Variants in PARP16 observed in about 807,000 individuals in gnomAD.
PARP16 encodes the protein poly(ADP-ribose) polymerase family member 16, also known as protein mono-ADP-ribosyltransferase PARP16.
Under a neutral mutation model 35.0 loss-of-function variants are expected in PARP16, and 31 were observed. The observed-to-expected ratio is 0.88, with a 90% CI of 0.66 to 1.19. PARP16 has a LOEUF of 1.19. PARP16 is among the 50% of genes most tolerant of loss of function. The pLI is 0.00. For missense variants in PARP16, 424 were observed against 411.2 expected (o/e 1.03, Z -0.27); for synonymous variants, 162 against 169.5 (o/e 0.96, Z 0.34).
At position 65,286,508 on chromosome 15, in the gene PARP16, G is replaced by A. The variant is rs1024086164; in HGVS notation, c.-82C>T. 1.8e-6 allele frequency: 2 copies of A among 1,106,422 alleles called. No individual in the cohort carries two copies. Among genetic ancestry groups the A allele is most frequent in the South Asian group, 1.8e-5 (1 of 54,960 alleles). The allele number at this position is 1,106,422 out of a possible 1,614,324, so 68.5% of individuals were successfully genotyped here. On this transcript the variant is annotated 5_prime_UTR_variant, in exon 1 of 6. Transcript: ENST00000649807. ...TGCGTTCAGCGCGGGGGCTGGGCCC[G>A]CGGACAATGGGCCGTCAGGGGCCGG...
At chr15:65,239,458 GAAA>G (rs1567007952) in intron 3 of PARP16, among the ~76,000 whole-genome samples, 9 of 62,536 alleles carry the variant, frequency 1.4e-4, no homozygotes, top group African/African-American at 3.8e-4. Flanking sequence ...AAAAAAGAGA[GAAA>G]AGAAAAAAAA....
intron 2 of PARP16, 24 bp from the exon 3 acceptor site, chr15:65,266,792 A>AAT: frequency 6.4e-7 from 1 of 1,573,322 alleles, no homozygotes; most frequent in Non-Finnish European, 8.7e-7. Context: ...AGAGCATCAA[A>AAT]ATTTTATTTG....
At chr15:65,239,452 A>AAAAAAAGAGAG (rs34910178) in intron 3 of PARP16, among the ~76,000 whole-genome samples, 1 of 113,038 alleles carries the variant, frequency 8.8e-6, no homozygotes, top group South Asian at 3.5e-4. Context: ...AAAAAAAAAA[A>AAAAAAAGAGAG]AGAGAGAAAA....
intron 3 of PARP16, among the ~76,000 whole-genome samples, chr15:65,240,844 T>C (rs964326841): frequency 2.6e-5 from 4 of 152,156 alleles, no homozygotes; most frequent in Non-Finnish European, 5.9e-5. Flanking sequence ...TCTATTTTTA[T>C]TGTTTTGAGA....
At chr15:65,251,199 T>C (rs1443015766) in intron 2 of PARP16, among the ~76,000 whole-genome samples, 2 of 152,108 alleles carry the variant, frequency 1.3e-5, no homozygotes, top group Non-Finnish European at 2.9e-5. Flanking sequence ...ATCTCTTATT[T>C]TGCACAGGTT....
At chr15:65,270,748 A>T (rs1314567016) in intron 2 of PARP16, among the ~76,000 whole-genome samples, 187 bp downstream of exon 2, 2 of 152,194 alleles carry the variant, frequency 1.3e-5, no homozygotes, top group African/African-American at 4.8e-5. Context: ...TTGTACAGCC[A>T]GTGGGAAAGC....
At chr15:65,268,177 T>C (rs1051957610) in intron 2 of PARP16, among the ~76,000 whole-genome samples, 10 of 152,174 alleles carry the variant, frequency 6.6e-5, no homozygotes, top group Non-Finnish European at 1.3e-4. Context: ...TGCTTGGCCA[T>C]GTGACCTGCT....
intron 3 of PARP16, among the ~76,000 whole-genome samples, chr15:65,240,393 G>A (rs367702676): frequency 3.1e-4 from 47 of 150,090 alleles, no homozygotes; most frequent in Admixed American, 1.7e-3. Flanking sequence ...CACAACGCCC[G>A]GCCAATTTTT....
rs568442526 is a variant in PARP16, at chr15:65,235,830, G to C, written c.*98-1007C>G. On this transcript the variant is annotated intron_variant and NMD_transcript_variant, in intron 3 of 3. Transcript: ENST00000559805. ...AGCCTGGGCGACAGAGTGAGACCCT[G>C]TCTTAAAAAAAAAAAAAAATTGCAG... 2.6e-4 allele frequency among the ~76,000 whole-genome samples: 29 copies of C among 112,468 alleles called. No individual in the cohort carries two copies. In the East Asian group the frequency reaches 6.7e-3, roughly 26 times the overall value. The allele number at this position is 112,468 out of a possible 152,430, so 73.8% of individuals were successfully genotyped here.
At chr15:65,267,678 C>CTTTTT (rs556058787) in intron 2 of PARP16, among the ~76,000 whole-genome samples, 2,850 of 53,052 alleles carry the variant, frequency 0.054, 871 homozygotes, top group Non-Finnish European at 0.067. Context: ...ATTTTCCTAA[C>CTTTTT]TTTTTTTTTT....
rs1308324546 is a variant in PARP16 at position 65,258,705 on chromosome 15, G to C, written c.*702C>G. On this transcript the variant is annotated 3_prime_UTR_variant, in exon 6 of 6. Transcript: ENST00000649807. The stretch of plus-strand genomic sequence containing the variant: ...TTTGGTTCCATTTCAGCTGTAATCA[G>C]CAGTTGGTAATTTTTGGAAAAAGAG... 1 of 152,538 alleles carries C rather than the reference G, an allele frequency of 6.6e-6. No homozygotes were observed. The highest frequency in any genetic ancestry group is 2.4e-5 in the African/African-American group (1 of 41,410). The allele number at this position is 152,538 out of a possible 1,614,324, so 9.4% of individuals were successfully genotyped here.
rs2090589204 is a variant in PARP16 at position 65,286,233 on chromosome 15, C to G, written c.174+20G>C. The G allele has an allele frequency of 2.0e-6, 3 of 1,537,718 alleles. No homozygotes were observed. The highest frequency in any genetic ancestry group is 2.6e-6 in the Non-Finnish European group (3 of 1,143,294). ...TTGGTCCAGGACGCAGTGGGCAGCG[C>G]CAGGACAAAGCACACTCACCAGGGC... On this transcript the variant is annotated intron_variant, in intron 1 of 5. Coordinates refer to ENST00000649807, the MANE Select transcript of PARP16 (RefSeq NM_001316943.2).
At chr15:65,271,271 G>A (rs1206548100) in intron 1 of PARP16, among the ~76,000 whole-genome samples, 199 bp from the exon 2 acceptor site, 1 of 151,374 alleles carries the variant, frequency 6.6e-6, no homozygotes, top group African/African-American at 2.4e-5. Context: ...TTTTTTTTTG[G>A]TGGGTTTTTG....
downstream of PARP16, among the ~76,000 whole-genome samples, chr15:65,253,336 CTT>C (rs113104111): frequency 1.4e-5 from 2 of 146,158 alleles, no homozygotes; most frequent in African/African-American, 2.5e-5. Flanking sequence ...ATTTCATTCT[CTT>C]TTTTTTTTTT....
At chr15:65,278,055 G>T (rs78898831) in intron 1 of PARP16, among the ~76,000 whole-genome samples, 1 of 152,216 alleles carries the variant, frequency 6.6e-6, no homozygotes, top group Non-Finnish European at 1.5e-5. Context: ...CACTCCAGGT[G>T]GGAAAGAGCA....
intron 2 of PARP16, among the ~76,000 whole-genome samples, chr15:65,269,207 T>TCTTTC (rs71136333): frequency 6.6e-6 from 1 of 150,854 alleles, no homozygotes; most frequent in East Asian, 2.0e-4. Context: ...TTTCTTTCTT[T>TCTTTC]TTTTTTTGAG....
chr15:65,260,458 G>C (rs1476000623), intron 5 of PARP16, among the ~76,000 whole-genome samples: 1 of 152,196 alleles, frequency 6.6e-6, no homozygotes, highest in Non-Finnish European at 1.5e-5. Flanking sequence ...CAGGTCCAGA[G>C]AGGGGCAGTC....
downstream of PARP16, among the ~76,000 whole-genome samples, chr15:65,253,479 C>T (rs61590939): frequency 0.22 from 33,536 of 150,914 alleles, 4,488 homozygotes; most frequent in Admixed American, 0.31. Flanking sequence ...TACAGGCGCC[C>T]GCCACTACGC....
intron 2 of PARP16, among the ~76,000 whole-genome samples, chr15:65,269,204 CTTTTTTTT>C (rs894925251): frequency 9.7e-6 from 1 of 103,490 alleles, no homozygotes; most frequent in African/African-American, 3.1e-5. Context: ...TTCTTTCTTT[CTTTTTTTT>C]TTGAGATACA....
Sources: gnomAD v4.1 joint callset for allele counts (sites outside exome capture counted in the v4.1 genomes callset) on GRCh38, gnomAD v4.1.1 for gene constraint, MANE v1.5 for transcripts, NCBI Gene and HGNC (gene_info 2026-07-23, HGNC 2026-07-21) for gene names.